Variants in OGDH observed in about 807,000 individuals in gnomAD.
The protein encoded by OGDH is 2-oxoglutarate dehydrogenase complex component E1.
OGDH carries 38 observed loss-of-function variants against 116.6 expected under a neutral mutation model. That is an observed-to-expected ratio of 0.33 (90% CI 0.25 to 0.43). OGDH has a LOEUF of 0.43. Among genes scored for constraint, OGDH ranks in the 20% least tolerant of loss-of-function variants. The pLI, the probability that OGDH is intolerant of heterozygous loss-of-function variation, is 1.00. For missense variants in OGDH, 825 were observed against 1,357.2 expected, an observed-to-expected ratio of 0.61 and a Z score of 6.16; for synonymous variants, 488 against 533.3, an observed-to-expected ratio of 0.92 and a Z score of 1.17.
At chr7:44,675,607 G>A (rs1000543695) in intron 8 of OGDH, among the ~76,000 whole-genome samples, 3 of 152,308 alleles carry the variant, frequency 2.0e-5, no homozygotes, top group African/African-American at 7.2e-5. Context: ...GCTGGGCATG[G>A]TGGCTCACAT....
chr7:44,626,629 G>A (rs1372535266), intron 2 of OGDH, among the ~76,000 whole-genome samples: 2 of 152,214 alleles, frequency 1.3e-5, no homozygotes, highest in African/African-American at 2.4e-5. Flanking sequence ...GGTAAAAGGT[G>A]CACTCTGTGA....
chr7:44,667,796 G>A (rs1258500592), intron 5 of OGDH, among the ~76,000 whole-genome samples: 1 of 152,168 alleles, frequency 6.6e-6, no homozygotes, highest in South Asian at 2.1e-4. Flanking sequence ...AGAGCTAAAG[G>A]ATCGAGGTTA....
chr7:44,672,232 T>C (rs189127940), intron 5 of OGDH, among the ~76,000 whole-genome samples: 145 of 152,318 alleles, frequency 9.5e-4, no homozygotes, highest in Admixed American at 2.2e-3. Context: ...TAGGCAAAGT[T>C]TGCTTTGTTT....
chr7:44,645,214 C>T (rs1786115954), intron 2 of OGDH, 113 bp from the exon 3 acceptor site: 1 of 956,938 alleles, frequency 1.0e-6, no homozygotes, highest in Non-Finnish European at 1.6e-6. Flanking sequence ...GAAGCAGGCT[C>T]AGCCAGCCTA....
chr7:44,628,058 TGAG>T (rs1471453032), intron 2 of OGDH, among the ~76,000 whole-genome samples: 9 of 152,324 alleles, frequency 5.9e-5, no homozygotes, highest in South Asian at 2.1e-4. Context: ...ATAAGCCTAA[TGAG>T]GAGACTGGTC....
intron 2 of OGDH, among the ~76,000 whole-genome samples, chr7:44,633,507 T>C (rs540078361): frequency 1.8e-4 from 27 of 152,288 alleles, no homozygotes; most frequent in African/African-American, 6.5e-4. Context: ...TATTAAAAAA[T>C]AGTCTGTTTA....
chr7:44,680,725 T>C (rs1787895583), intron 9 of OGDH, among the ~76,000 whole-genome samples: 1 of 152,156 alleles, frequency 6.6e-6, no homozygotes, highest in South Asian at 2.1e-4. Flanking sequence ...GCTGGCTTCT[T>C]AGAGAAACAG....
Position 44,701,589 on chromosome 7 carries a change from G to A in OGDH, c.2606G>A (p.Arg869Lys). The A allele has an allele frequency of 6.2e-7, 1 of 1,614,214 alleles. No individual in the cohort carries two copies. The highest frequency in any genetic ancestry group is 8.5e-7 in the Non-Finnish European group (1 of 1,180,040). Residue 869 changes from arginine (R) to lysine (K), a missense_variant, in exon 20 of 23, where the codon AGA becomes AAA. Physicochemically the swap from Arg to Lys is conservative, Grantham distance 26. Transcript: ENST00000222673. Reference protein sequence around the residue: ...PKSLLRHPEARSSFDEMLPGT... With the variant: ...PKSLLRHPEAKSSFDEMLPGT... ...TCCCTGTTGCGCCACCCCGAGGCCA[G>A]ATCCAGCTTTGATGAGATGCTTCCA...
rs530230954 is a variant in OGDH, at chr7:44,685,240, C to G, written c.1335+3392C>G. Among the ~76,000 whole-genome samples, 4 of 152,290 alleles carry G rather than the reference C, an allele frequency of 2.6e-5. No homozygotes were observed. In the South Asian group the frequency reaches 8.3e-4, roughly 32 times the overall value. ...AACTGTTTCGTCTCCAACAGAAATTCCATACCCATTCAACATGAACTCCGA... is the reference window on the plus strand; with the variant it reads ...AACTGTTTCGTCTCCAACAGAAATTGCATACCCATTCAACATGAACTCCGA... On this transcript the variant is annotated intron_variant, in intron 10 of 22. Coordinates refer to ENST00000222673, the MANE Select transcript of OGDH (RefSeq NM_002541.4).
chr7:44,691,049 T>C (rs932547652), intron 10 of OGDH, among the ~76,000 whole-genome samples: 1 of 152,192 alleles, frequency 6.6e-6, no homozygotes, highest in African/African-American at 2.4e-5. Flanking sequence ...TTTGCTAATA[T>C]TTTCTTTATC....
intron 4 of OGDH, among the ~76,000 whole-genome samples, chr7:44,661,141 G>A (rs1263250973): frequency 6.6e-6 from 1 of 152,142 alleles, no homozygotes; most frequent in Non-Finnish European, 1.5e-5. Flanking sequence ...GTTCTTTGGT[G>A]TATACACATT....
intron 4 of OGDH, among the ~76,000 whole-genome samples, chr7:44,659,518 A>G (rs1786843380): frequency 6.6e-6 from 1 of 152,202 alleles, no homozygotes; most frequent in African/African-American, 2.4e-5. Context: ...ATTTGGGCTT[A>G]GAGGTTAGTT....
intron 2 of OGDH, among the ~76,000 whole-genome samples, chr7:44,629,578 T>G (rs1186419322): frequency 3.1e-5 from 2 of 64,872 alleles, no homozygotes; most frequent in Non-Finnish European, 1.0e-4. Flanking sequence ...TCTTTTTCTT[T>G]TCTTTTTTTT....
chr7:44,633,262 A>AC lies in OGDH; in HGVS notation c.222+8697_222+8698insC, dbSNP rs1227363393. On this transcript the variant is annotated intron_variant, in intron 2 of 22. Coordinates refer to ENST00000222673, the MANE Select transcript of OGDH (RefSeq NM_002541.4). Reference sequence around the variant, plus strand: ...AGCGAGACTCTGTGTCAAAAAAAAAAAAAAAAAAAAAACCCTCAATGGGAA... The same window carrying AC: ...AGCGAGACTCTGTGTCAAAAAAAAAACAAAAAAAAAAAACCCTCAATGGGAA... Among the ~76,000 whole-genome samples the AC allele has an allele frequency of 5.9e-4, 89 of 151,346 alleles. 1 individual carries two copies. The highest frequency in any genetic ancestry group is 2.1e-3 in the African/African-American group (85 of 41,322).
chr7:44,608,453 C>G (rs1413771804), intron 1 of OGDH, among the ~76,000 whole-genome samples: 1 of 151,966 alleles, frequency 6.6e-6, no homozygotes, highest in Non-Finnish European at 1.5e-5. Context: ...AATCCTAGCA[C>G]TTTGGGAGGC....
intron 5 of OGDH, among the ~76,000 whole-genome samples, chr7:44,667,902 C>T (rs925573396): frequency 1.3e-5 from 2 of 152,112 alleles, no homozygotes; most frequent in Non-Finnish European, 2.9e-5. Flanking sequence ...TGAATCCTGA[C>T]GTCCCTAACT....
chr7:44,675,946 C>T (rs1160555404), intron 8 of OGDH, 24 bp from the exon 9 acceptor site: 9 of 1,607,592 alleles, frequency 5.6e-6, no homozygotes, highest in Non-Finnish European at 7.7e-6. Context: ...GGCCAGGGTG[C>T]AAATTCACTG....
At chr7:44,664,906 A>G (rs1172662392) in intron 4 of OGDH, among the ~76,000 whole-genome samples, 2 of 152,202 alleles carry the variant, frequency 1.3e-5, no homozygotes, top group African/African-American at 4.8e-5. Context: ...AGGTCAAGGG[A>G]TATCTGTAGG....
chr7:44,696,510 G>A lies in OGDH; in HGVS notation c.1853G>A (p.Gly618Glu). 6.2e-7 allele frequency: 1 copy of A among 1,614,210 alleles called. No homozygotes were observed. The highest frequency in any genetic ancestry group is 8.5e-7 in the Non-Finnish European group (1 of 1,180,046). The change falls in exon 14 of 23, where the codon GGG becomes GAG. Residue 618 changes from glycine to glutamate, a missense_variant. Physicochemically the swap from Gly to Glu is moderately conservative, Grantham distance 98. Transcript: ENST00000222673. ...ACGGAGGATATTCTGACACACATCG[G>A]GAATGTGGCTAGTTCTGTGCCTGTG... ...GLTEDILTHI[G>E]NVASSVPVEN...
Sources: gnomAD v4.1 joint callset for allele counts (sites outside exome capture counted in the v4.1 genomes callset) on GRCh38, gnomAD v4.1.1 for gene constraint, MANE v1.5 for transcripts, NCBI Gene and HGNC (gene_info 2026-07-23, HGNC 2026-07-21) for gene names.